Variants in ALK observed in about 807,000 individuals in gnomAD.
ALK encodes ALK tyrosine kinase receptor.
A neutral mutation model predicts 163.1 loss-of-function variants in ALK; 74 were observed. That is an observed-to-expected ratio of 0.45 (90% CI 0.38 to 0.55). The LOEUF (loss-of-function observed/expected upper bound fraction) is 0.55. Ranked by LOEUF, ALK falls within the 20% of genes least tolerant of loss-of-function variation. ALK has a pLI of 0.00. For synonymous variants in ALK, 960 were observed against 843.2 expected (o/e 1.14, Z -2.40); for missense variants, 2,063 against 2,105.3 (o/e 0.98, Z 0.39).
chr2:29,550,331 C>T (rs953413886), intron 3 of ALK, among the ~76,000 whole-genome samples: 1 of 151,704 alleles, frequency 6.6e-6, no homozygotes, highest in African/African-American at 2.4e-5. Flanking sequence ...GCCCAGAGCC[C>T]AGGAGCTCCA....
At chr2:29,290,331 C>T (rs1044094107) in intron 9 of ALK, among the ~76,000 whole-genome samples, 2 of 152,136 alleles carry the variant, frequency 1.3e-5, no homozygotes, top group South Asian at 2.1e-4. Context: ...ACAGGGCTGC[C>T]GTGGATGGGG....
rs1404946169 is a variant in ALK at position 29,717,163 on chromosome 2, C to T, written c.787+415G>A. ...CTCCAGCCTGGGCGACAGAGCAAGA[C>T]TCTGTCTCAAAAAAAAAAAAAAAAA... On this transcript the variant is annotated intron_variant, in intron 2 of 28. Transcript: ENST00000389048. Among the ~76,000 whole-genome samples the T allele has an allele frequency of 5.9e-5, 6 of 101,762 alleles. No homozygotes were observed. In the East Asian group the frequency reaches 1.9e-3, roughly 32 times the overall value. The allele number at this position is 101,762 out of a possible 152,430, so 66.8% of individuals were successfully genotyped here.
chr2:29,610,754 T>C (rs747040360), intron 3 of ALK, among the ~76,000 whole-genome samples: 2 of 152,214 alleles, frequency 1.3e-5, no homozygotes, highest in Non-Finnish European at 2.9e-5. Flanking sequence ...AGTCTGGGCA[T>C]CCGCATCAAA....
At chr2:29,609,399 T>C (rs2148220354) in intron 3 of ALK, among the ~76,000 whole-genome samples, 1 of 152,324 alleles carries the variant, frequency 6.6e-6, no homozygotes, top group East Asian at 1.9e-4. Flanking sequence ...AGGGGCTCTG[T>C]GACAACTCTA....
At chr2:29,198,991 T>C (rs547024300) in intron 26 of ALK, among the ~76,000 whole-genome samples, 3 of 151,912 alleles carry the variant, frequency 2.0e-5, no homozygotes, top group Non-Finnish European at 4.4e-5. Flanking sequence ...TCTCACTCTG[T>C]TACTCAGGCT....
intron 1 of ALK, among the ~76,000 whole-genome samples, chr2:29,736,295 A>T (rs190477278): frequency 4.6e-5 from 7 of 152,128 alleles, no homozygotes; most frequent in Admixed American, 2.6e-4. Context: ...AATTAACAGT[A>T]ATTGCCTTTC....
chr2:29,372,179 G>A (rs1668654157), intron 5 of ALK, among the ~76,000 whole-genome samples: 1 of 152,210 alleles, frequency 6.6e-6, no homozygotes, highest in Non-Finnish European at 1.5e-5. Flanking sequence ...CTAAGTGTGA[G>A]TGCTGGCCCC....
intron 23 of ALK, among the ~76,000 whole-genome samples, chr2:29,215,790 G>A (rs887518732): frequency 1.3e-5 from 2 of 152,194 alleles, no homozygotes; most frequent in African/African-American, 2.4e-5. Flanking sequence ...GTGGCCCATC[G>A]AGCTGACCCG....
chr2:29,839,198 G>GT (rs759204690), intron 1 of ALK, among the ~76,000 whole-genome samples: 4 of 152,144 alleles, frequency 2.6e-5, no homozygotes, highest in Non-Finnish European at 4.4e-5. Flanking sequence ...CTAAGAATGT[G>GT]TTTTTGAGGA....
intron 4 of ALK, among the ~76,000 whole-genome samples, chr2:29,418,466 G>T (rs1406987293): frequency 6.6e-6 from 1 of 152,030 alleles, no homozygotes; most frequent in Admixed American, 6.5e-5. Context: ...AAGATGTAGG[G>T]GGTACCAGTG....
chr2:29,444,240 G>A (rs898986178), intron 4 of ALK, among the ~76,000 whole-genome samples: 1 of 152,162 alleles, frequency 6.6e-6, no homozygotes, highest in African/African-American at 2.4e-5. Context: ...TGAGGTGGTT[G>A]AGGGTTATGG....
chr2:29,846,928 C>G (rs1280021385), intron 1 of ALK, among the ~76,000 whole-genome samples: 1 of 152,184 alleles, frequency 6.6e-6, no homozygotes, highest in Non-Finnish European at 1.5e-5. Flanking sequence ...ATAAGCAGAT[C>G]TGTCTGACTC....
chr2:29,808,372 G>A (rs550115744), intron 1 of ALK, among the ~76,000 whole-genome samples: 3 of 152,262 alleles, frequency 2.0e-5, no homozygotes, highest in South Asian at 2.1e-4. Flanking sequence ...GAGAAGCCAC[G>A]TGACTTCTCT....
At chr2:29,248,952 T>G (rs939289495) in intron 12 of ALK, among the ~76,000 whole-genome samples, 9 of 152,394 alleles carry the variant, frequency 5.9e-5, no homozygotes, top group African/African-American at 2.2e-4. Flanking sequence ...GCCTGCCTGC[T>G]GCCTGCTGCT....
intron 1 of ALK, among the ~76,000 whole-genome samples, chr2:29,724,066 A>G (rs1454834348): frequency 6.6e-6 from 1 of 152,236 alleles, no homozygotes; most frequent in Non-Finnish European, 1.5e-5. Context: ...TAATAAATAT[A>G]TCATACTTGT....
At chr2:29,740,730 G>A (rs1027135915) in intron 1 of ALK, among the ~76,000 whole-genome samples, 4 of 152,176 alleles carry the variant, frequency 2.6e-5, no homozygotes, top group Admixed American at 6.5e-5. Flanking sequence ...GGCTAGGCGT[G>A]GTGGCTCACA....
intron 6 of ALK, among the ~76,000 whole-genome samples, chr2:29,325,496 G>T (rs4665455): frequency 0.12 from 17,950 of 152,214 alleles, 1,416 homozygotes; most frequent in South Asian, 0.29. Flanking sequence ...AGACCCAGAG[G>T]GGGAGGCCCC....
chr2:29,919,937 A>G (rs751692717), intron 1 of ALK, 56 bp downstream of exon 1: 56 of 1,590,848 alleles, frequency 3.5e-5, no homozygotes, highest in Non-Finnish European at 4.0e-5. Flanking sequence ...TAATGGTTGC[A>G]TATCAATGTG....
chr2:29,836,850 T>A (rs1665575064), intron 1 of ALK, among the ~76,000 whole-genome samples: 1 of 152,242 alleles, frequency 6.6e-6, no homozygotes, highest in Admixed American at 6.5e-5. Context: ...AGTTCCTCCA[T>A]ATGCAAAATG....
Sources: gnomAD v4.1 joint callset for allele counts (sites outside exome capture counted in the v4.1 genomes callset) on GRCh38, gnomAD v4.1.1 for gene constraint, MANE v1.5 for transcripts, NCBI Gene and HGNC (gene_info 2026-07-23, HGNC 2026-07-21) for gene names.